The following RNF111 variants were observed in gnomAD, a reference collection of about 807,000 sequenced individuals.
RNF111 encodes the protein ring finger protein 111, also known as E3 ubiquitin-protein ligase Arkadia.
RNF111 carries 17 observed loss-of-function variants against 95.1 expected under a neutral mutation model. The observed-to-expected ratio is 0.18, with a 90% CI of 0.12 to 0.27. The LOEUF (loss-of-function observed/expected upper bound fraction) is 0.27, where lower values mean the gene tolerates loss of function less well. Ranked by LOEUF, RNF111 falls within the 10% of genes least tolerant of loss-of-function variation. The probability of loss-of-function intolerance (pLI) is 1.00; values close to 1 mark genes in which losing one functional copy is unlikely to be tolerated. For missense variants in RNF111, 1,189 were observed against 1,210.4 expected (o/e 0.98, Z 0.26); for synonymous variants, 440 against 414.8 (o/e 1.06, Z -0.74).
At chr15:59,011,360 G>C (rs2141548475) in intron 1 of RNF111, among the ~76,000 whole-genome samples, 1 of 152,240 alleles carries the variant, frequency 6.6e-6, no homozygotes, top group Middle Eastern at 3.4e-3. Flanking sequence ...ACTTCCTCAG[G>C]ACTGGTCTGT....
At chr15:59,001,226 G>A (rs1294272211) in intron 1 of RNF111, among the ~76,000 whole-genome samples, 1 of 151,942 alleles carries the variant, frequency 6.6e-6, no homozygotes, top group Non-Finnish European at 1.5e-5. Flanking sequence ...TAGTGGAGTA[G>A]GTGAGGAGGA....
intron 1 of RNF111, among the ~76,000 whole-genome samples, chr15:59,011,477 T>C (rs1203802615): frequency 6.6e-6 from 1 of 152,218 alleles, no homozygotes; most frequent in Non-Finnish European, 1.5e-5. Context: ...GCTGCGGTAA[T>C]GAAATGCCAC....
chr15:59,040,789 C>T (rs1596169994), intron 2 of RNF111, among the ~76,000 whole-genome samples: 1 of 152,180 alleles, frequency 6.6e-6, no homozygotes, highest in African/African-American at 2.4e-5. Flanking sequence ...TTGCCCTTGG[C>T]CAGTTTTCTG....
chr15:59,088,856 C>T lies in RNF111; in HGVS notation c.2551-811C>T, dbSNP rs561174751. Among the ~76,000 whole-genome samples the T allele has an allele frequency of 5.3e-5, 8 of 152,298 alleles. No homozygotes were observed. In the South Asian group the frequency reaches 1.5e-3, roughly 28 times the overall value. ...ATGCGTGAATGAAACTTATTCTCTCCATAAGGTGTATGACAGCCTTCTTTG... is the reference window on the plus strand; with the variant it reads ...ATGCGTGAATGAAACTTATTCTCTCTATAAGGTGTATGACAGCCTTCTTTG... On this transcript the variant is annotated intron_variant, in intron 10 of 13. Coordinates refer to ENST00000348370, the MANE Select transcript of RNF111 (RefSeq NM_017610.8).
chr15:59,022,140 A>G (rs2040376510), intron 1 of RNF111, among the ~76,000 whole-genome samples: 1 of 152,108 alleles, frequency 6.6e-6, no homozygotes, highest in Non-Finnish European at 1.5e-5. Context: ...GATTACAAGC[A>G]TGAGCCACCA....
intron 1 of RNF111, among the ~76,000 whole-genome samples, chr15:59,002,481 T>C (rs537227435): frequency 1.4e-3 from 220 of 151,992 alleles, no homozygotes; most frequent in Non-Finnish European, 2.3e-3. Context: ...GAGTAACATA[T>C]GTAATAATCT....
chr15:59,085,855 A>G, intron 10 of RNF111, 70 bp downstream of exon 10: 2 of 1,273,248 alleles, frequency 1.6e-6, no homozygotes, highest in East Asian at 2.5e-5. Flanking sequence ...TATTGGAAAT[A>G]CTTCACTATA....
intron 1 of RNF111, among the ~76,000 whole-genome samples, chr15:59,008,845 T>G (rs2039660507): frequency 6.6e-6 from 1 of 152,220 alleles, no homozygotes; most frequent in Non-Finnish European, 1.5e-5. Context: ...TTTGTCACAG[T>G]CTTTCTTCAA....
chr15:59,038,748 T>C (rs904039851), intron 2 of RNF111, among the ~76,000 whole-genome samples: 6 of 152,188 alleles, frequency 3.9e-5, no homozygotes, highest in Non-Finnish European at 8.8e-5. Context: ...GGTAGGTAGT[T>C]GGGTCTAAAA....
intron 8 of RNF111, chr15:59,083,889 T>G: frequency 8.2e-6 from 2 of 243,610 alleles, no homozygotes; most frequent in Non-Finnish European, 1.5e-5. Context: ...TTTCCTTGGG[T>G]GATATTTGAA....
chr15:59,021,412 A>C (rs2040336691), intron 1 of RNF111, among the ~76,000 whole-genome samples: 1 of 152,152 alleles, frequency 6.6e-6, no homozygotes, highest in Non-Finnish European at 1.5e-5. Context: ...CGGCCTCCCA[A>C]AGTGTTGGGA....
chr15:59,022,436 A>G (rs576892661), intron 1 of RNF111, among the ~76,000 whole-genome samples: 1 of 152,274 alleles, frequency 6.6e-6, no homozygotes, highest in African/African-American at 2.4e-5. Flanking sequence ...AGACCTCCCA[A>G]AAGATAACTT....
chr15:59,065,882 G>T (rs535585393), intron 5 of RNF111, among the ~76,000 whole-genome samples: 2 of 152,190 alleles, frequency 1.3e-5, no homozygotes, highest in South Asian at 4.1e-4. Context: ...GTGGTGGTGT[G>T]TGCCTATGGT....
At chr15:59,041,067 A>T (rs2041424923) in intron 2 of RNF111, among the ~76,000 whole-genome samples, 1 of 151,906 alleles carries the variant, frequency 6.6e-6, no homozygotes, top group Non-Finnish European at 1.5e-5. Flanking sequence ...CTTAATATAT[A>T]CTATTGTTGG....
intron 7 of RNF111, among the ~76,000 whole-genome samples, chr15:59,078,952 T>C (rs1003854530): frequency 1.3e-5 from 2 of 152,036 alleles, no homozygotes; most frequent in Non-Finnish European, 2.9e-5. Flanking sequence ...GCTATGGGAA[T>C]GCAGTGAGTA....
chr15:59,029,911 T>A (rs1393106041), intron 1 of RNF111, among the ~76,000 whole-genome samples: 1 of 152,246 alleles, frequency 6.6e-6, no homozygotes, highest in Non-Finnish European at 1.5e-5. Flanking sequence ...TAACATTGTT[T>A]ATTCATGTTT....
At position 59,048,295 on chromosome 15, in the gene RNF111, C is replaced by A. The variant is rs181939389; in HGVS notation, c.881-4010C>A. ...AATAAAAAAAGTATGAATATTGATACAACAAATGAATATATTTCAACATAA... is the reference window on the plus strand; with the variant it reads ...AATAAAAAAAGTATGAATATTGATAAAACAAATGAATATATTTCAACATAA... On this transcript the variant is annotated intron_variant, in intron 2 of 13. Transcript: ENST00000348370. Among the ~76,000 whole-genome samples the A allele has an allele frequency of 3.3e-3, 501 of 152,238 alleles. 5 individuals carry two copies. The highest frequency in any genetic ancestry group is 4.1e-3 in the Non-Finnish European group (279 of 68,020).
At chr15:59,041,409 C>T (rs1438340385) in intron 2 of RNF111, among the ~76,000 whole-genome samples, 1 of 151,946 alleles carries the variant, frequency 6.6e-6, no homozygotes, top group Non-Finnish European at 1.5e-5. Context: ...GAAAAATTAG[C>T]CGGGTGTGGT....
intron 6 of RNF111, among the ~76,000 whole-genome samples, chr15:59,070,029 CTTTTTTTTTTT>C (rs1189748185): frequency 6.2e-4 from 14 of 22,684 alleles, no homozygotes; most frequent in African/African-American, 2.6e-3. Flanking sequence ...CCACCTCCTG[CTTTTTTTTTTT>C]TTTTTTTTTT....
Sources: allele counts gnomAD v4.1 joint callset (sites outside exome capture counted in the v4.1 genomes callset), GRCh38; gene constraint gnomAD v4.1.1; transcripts MANE v1.5; gene names NCBI Gene and HGNC (gene_info 2026-07-23, HGNC 2026-07-21).